Variants in NXN observed in about 807,000 individuals in gnomAD.
The protein encoded by NXN is nucleoredoxin 1.
In NXN, 16 loss-of-function variants were observed where a neutral mutation model predicts 48.6. That is an observed-to-expected ratio of 0.33 (90% CI 0.22 to 0.50). NXN has a LOEUF of 0.50. NXN is among the 20% of genes least tolerant of loss of function. The pLI, the probability that NXN is intolerant of heterozygous loss-of-function variation, is 0.98. For missense variants in NXN, 492 were observed against 605.5 expected (o/e 0.81, Z 1.97); for synonymous variants, 281 against 269.6 (o/e 1.04, Z -0.41).
At chr17:948,519 G>A (rs1452834642) in intron 1 of NXN, among the ~76,000 whole-genome samples, 1 of 152,088 alleles carries the variant, frequency 6.6e-6, no homozygotes, top group Non-Finnish European at 1.5e-5. Flanking sequence ...AGGGACGGCT[G>A]TGGAACTGTA....
intron 1 of NXN, among the ~76,000 whole-genome samples, chr17:963,892 G>A (rs528881084): frequency 1.2e-3 from 178 of 151,564 alleles, no homozygotes; most frequent in African/African-American, 3.1e-3. Context: ...CGTGGCTAAC[G>A]TGGTGAAACC....
chr17:916,669 T>G (rs1217263562), intron 1 of NXN, among the ~76,000 whole-genome samples: 3 of 152,136 alleles, frequency 2.0e-5, no homozygotes, highest in Non-Finnish European at 1.5e-5. Context: ...CCGGGCACGG[T>G]GGCTCACGCC....
intron 1 of NXN, among the ~76,000 whole-genome samples, chr17:835,152 C>T (rs932696991): frequency 3.3e-5 from 5 of 151,084 alleles, no homozygotes; most frequent in East Asian, 4.0e-4. Context: ...ACTAAAAATA[C>T]AAAAAATTAG....
In NXN at chr17:955,897, A is replaced by G. The variant is rs376410283; in HGVS notation, c.360+23422T>C. Among the ~76,000 whole-genome samples the G allele has an allele frequency of 1.6e-3, 233 of 148,308 alleles. 3 individuals are homozygous for G. The East Asian group carries it at 0.028, about 18-fold the overall frequency. On this transcript the variant is annotated intron_variant, in intron 1 of 7. Transcript: ENST00000336868. ...AGCCTGGGCGACAGAGCGAGACTCC[A>G]TCTCAAAAAAAAAAAAGAGAGAGAG...
intron 5 of NXN, among the ~76,000 whole-genome samples, chr17:808,449 C>T (rs1056965052): frequency 6.6e-6 from 1 of 151,858 alleles, no homozygotes; most frequent in Non-Finnish European, 1.5e-5. Context: ...GTTACAGGTA[C>T]ACACCACCAC....
At chr17:901,603 A>C (rs1007755855) in intron 1 of NXN, among the ~76,000 whole-genome samples, 18 of 152,226 alleles carry the variant, frequency 1.2e-4, no homozygotes, top group Non-Finnish European at 8.8e-5. Flanking sequence ...GAATTCAAAC[A>C]AAGCACATTA....
chr17:943,678 C>T (rs1296439263), intron 1 of NXN, among the ~76,000 whole-genome samples: 2 of 151,406 alleles, frequency 1.3e-5, no homozygotes, highest in African/African-American at 4.9e-5. Flanking sequence ...AAAAATTAAC[C>T]GGGCTTGGTG....
intron 1 of NXN, among the ~76,000 whole-genome samples, chr17:921,400 C>T (rs548621705): frequency 1.4e-4 from 22 of 152,234 alleles, no homozygotes; most frequent in Admixed American, 4.6e-4. Flanking sequence ...CATCTTGTTC[C>T]GGTCCACGGC....
In NXN at chr17:841,987, T is replaced by G. The variant is rs948535432; in HGVS notation, c.361-15909A>C. Reference sequence around the variant, plus strand: ...TCTGTCTCTACCAAAAAGGCAAAAATGAGCCGGGTGTGGTGGCGCATGTCT... The same window carrying G: ...TCTGTCTCTACCAAAAAGGCAAAAAGGAGCCGGGTGTGGTGGCGCATGTCT... On this transcript the variant is annotated intron_variant, in intron 1 of 7. Transcript: ENST00000336868. Among the ~76,000 whole-genome samples, 8 of 151,812 alleles carry G rather than the reference T, an allele frequency of 5.3e-5. No homozygotes were observed. The East Asian group carries it at 1.5e-3, about 29-fold the overall frequency.
intron 1 of NXN, among the ~76,000 whole-genome samples, chr17:874,523 G>A (rs2068193700): frequency 6.6e-6 from 1 of 152,252 alleles, no homozygotes; most frequent in Non-Finnish European, 1.5e-5. Context: ...GGCAGAGGCT[G>A]CGGTGAGCCG....
Position 800,831 on chromosome 17 carries a change from G to A in NXN, c.*118C>T. Reference sequence around the variant, plus strand: ...CTGCAGAAACAAGGCACCACAGAGAGGCTGGACACTTGGGTGGTGGGATTC... The same window carrying A: ...CTGCAGAAACAAGGCACCACAGAGAAGCTGGACACTTGGGTGGTGGGATTC... On this transcript the variant is annotated 3_prime_UTR_variant, in exon 8 of 8. Transcript: ENST00000336868. 6.6e-6 allele frequency: 4 copies of A among 602,402 alleles called. No individual in the cohort carries two copies. The South Asian group carries it at 1.3e-4, about 19-fold the overall frequency. 37.3% of individuals were successfully genotyped at this position (602,402 alleles called of 1,614,324 possible). A position where few individuals can be genotyped will look rare whatever the true frequency, so the allele number is the denominator to read the frequency against.
intron 1 of NXN, among the ~76,000 whole-genome samples, chr17:860,608 G>C (rs1490357050): frequency 2.7e-5 from 4 of 148,560 alleles, no homozygotes; most frequent in African/African-American, 4.9e-5. Flanking sequence ...TGGCCAGGCT[G>C]GTCTTGAACT....
Position 834,220 on chromosome 17 carries a change from G to A in NXN, c.361-8142C>T, listed in dbSNP as rs559012580. Among the ~76,000 whole-genome samples, 8 of 152,288 alleles carry A rather than the reference G, an allele frequency of 5.3e-5. No individual in the cohort carries two copies. In the South Asian group the frequency reaches 1.7e-3, roughly 32 times the overall value. ...TCCTGTAGCTCCAGCTGCTTAAGAGGCTGAGGTAAGAGGATGCTTTGAGCA... is the reference window on the plus strand; with the variant it reads ...TCCTGTAGCTCCAGCTGCTTAAGAGACTGAGGTAAGAGGATGCTTTGAGCA... On this transcript the variant is annotated intron_variant, in intron 1 of 7. Coordinates refer to ENST00000336868, the MANE Select transcript of NXN (RefSeq NM_022463.5).
At chr17:866,908 C>T (rs7215355) in intron 1 of NXN, among the ~76,000 whole-genome samples, 2 of 152,204 alleles carry the variant, frequency 1.3e-5, no homozygotes, top group South Asian at 2.1e-4. Context: ...CCTCAGGCTG[C>T]GGGTCAGAAC....
chr17:912,275 A>G (rs2068643758), intron 1 of NXN, among the ~76,000 whole-genome samples: 1 of 152,072 alleles, frequency 6.6e-6, no homozygotes, highest in Non-Finnish European at 1.5e-5. Context: ...GGTTGAAAAA[A>G]ATCTGTGTAT....
At chr17:807,634 T>C (rs1911642296) in intron 5 of NXN, among the ~76,000 whole-genome samples, 1 of 152,188 alleles carries the variant, frequency 6.6e-6, no homozygotes, top group East Asian at 1.9e-4. Flanking sequence ...CGGCTCCTCC[T>C]AAGACGAGGT....
chr17:809,117 CAG>C (rs764883925), intron 5 of NXN, among the ~76,000 whole-genome samples: 6 of 152,324 alleles, frequency 3.9e-5, no homozygotes, highest in East Asian at 1.9e-4. Context: ...AAGCAGAAAG[CAG>C]AGACACTGTC....
At chr17:869,471 G>A (rs911087812) in intron 1 of NXN, among the ~76,000 whole-genome samples, 1 of 152,350 alleles carries the variant, frequency 6.6e-6, no homozygotes, top group Non-Finnish European at 1.5e-5. Flanking sequence ...GTGGAAGAAG[G>A]AAGGTCTCTA....
At chr17:935,856 G>A (rs746582438) in intron 1 of NXN, among the ~76,000 whole-genome samples, 4 of 152,086 alleles carry the variant, frequency 2.6e-5, no homozygotes, top group Non-Finnish European at 4.4e-5. Context: ...ACTTTGGGAG[G>A]TGGAGGCAGG....
Sources: allele counts gnomAD v4.1 joint callset (sites outside exome capture counted in the v4.1 genomes callset), GRCh38; gene constraint gnomAD v4.1.1; transcripts MANE v1.5; gene names NCBI Gene and HGNC (gene_info 2026-07-23, HGNC 2026-07-21).